Variants in WTIP observed in about 807,000 individuals in gnomAD.
WTIP encodes Wilms tumor protein 1-interacting protein.
Under a neutral mutation model 41.7 loss-of-function variants are expected in WTIP, and 23 were observed. The observed-to-expected ratio is 0.55, with a 90% CI of 0.40 to 0.78. WTIP has a LOEUF of 0.78. WTIP is among the 30% of genes least tolerant of loss of function. The pLI is 0.00. For missense variants in WTIP, 619 were observed against 610.5 expected (o/e 1.01, Z -0.15); for synonymous variants, 314 against 269.9 (o/e 1.16, Z -1.60).
chr19:34,510,262 C>A lies in WTIP; in HGVS notation c.*9993C>A, dbSNP rs1599977005. The stretch of plus-strand genomic sequence containing the variant: ...GGCATTTTCATACATCTTCTGAAAT[C>A]TAGATGGAGGTTCCCAAACCTCAAT... On this transcript the variant is annotated 3_prime_UTR_variant, in exon 8 of 8. Transcript: ENST00000590071. 1.3e-5 allele frequency: 2 copies of A among 152,348 alleles called. No individual in the cohort carries two copies. Among genetic ancestry groups the A allele is most frequent in the Non-Finnish European group, 2.9e-5 (2 of 68,036 alleles). 9.4% of individuals were successfully genotyped at this position (152,348 alleles called of 1,614,324 possible).
At chr19:34,498,789 A>G (rs1488837807) in intron 7 of WTIP, among the ~76,000 whole-genome samples, 1 of 151,860 alleles carries the variant, frequency 6.6e-6, no homozygotes, top group Non-Finnish European at 1.5e-5. Context: ...AGTCCCAGCT[A>G]CTCGGGAGGC....
rs377447205 is a variant in WTIP, at chr19:34,493,043, G to A, written c.776G>A (p.Arg259Gln). 7.4e-6 allele frequency: 12 copies of A among 1,613,758 alleles called. No homozygotes were observed. The highest frequency in any genetic ancestry group is 1.7e-5 in the Admixed American group (1 of 59,988). The change falls in exon 3 of 8, where the codon CGA becomes CAA. Residue 259 changes from arginine to glutamine, a missense_variant. Physicochemically the swap from Arg to Gln is conservative, Grantham distance 43. This residue lies in a region of WTIP where 164 missense variants were observed against 219.1 expected (regional missense o/e 0.75). Transcript: ENST00000590071. The surrounding 1 kb of genome is among the most constrained non-coding windows in gnomAD (Gnocchi z 4.1). ...DCFTCDSCGRRLRGKAFYNVG... is the reference protein window; with the variant it reads ...DCFTCDSCGRQLRGKAFYNVG... The stretch of plus-strand genomic sequence containing the variant: ...TCAACCCTCACCCTTGCAGGGAGAC[G>A]ACTCCGTGGGAAGGCGTTCTACAAC...
chr19:34,498,764 G>A (rs1046825396), intron 7 of WTIP: 3 of 152,286 alleles, frequency 2.0e-5, no homozygotes, highest in Non-Finnish European at 4.4e-5. Flanking sequence ...GCTGGGCGTG[G>A]TGGCGGGCGC....
At chr19:34,499,728 T>G (rs887255989) in intron 7 of WTIP, among the ~76,000 whole-genome samples, 2 of 151,492 alleles carry the variant, frequency 1.3e-5, no homozygotes, top group Non-Finnish European at 2.9e-5. Context: ...AGATGGAGTT[T>G]CGCTGTTGTC....
In WTIP at chr19:34,507,858, C is replaced by T. The variant is rs1286844362; in HGVS notation, c.*7589C>T. The T allele has an allele frequency of 6.6e-6, 1 of 152,242 alleles. No homozygotes were observed. Among genetic ancestry groups the T allele is most frequent in the Non-Finnish European group, 1.5e-5 (1 of 68,062 alleles). The allele number at this position is 152,242 out of a possible 1,614,324, so 9.4% of individuals were successfully genotyped here. ...CCATCCTACGGCTTCAGCCTCCAGTCCTGGTCCCACACATCTCCTGGAGCA... is the reference window on the plus strand; with the variant it reads ...CCATCCTACGGCTTCAGCCTCCAGTTCTGGTCCCACACATCTCCTGGAGCA... On this transcript the variant is annotated 3_prime_UTR_variant, in exon 8 of 8. Coordinates refer to ENST00000590071, the MANE Select transcript of WTIP (RefSeq NM_001080436.2).
intron 1 of WTIP, among the ~76,000 whole-genome samples, chr19:34,483,952 GA>G (rs1163925860): frequency 8.1e-6 from 1 of 122,794 alleles, no homozygotes; most frequent in Non-Finnish European, 1.6e-5. Context: ...TTTTGAGACG[GA>G]ATCTCGCTCT....
Position 34,512,054 on chromosome 19 carries a change from T to C in WTIP, c.*11785T>C, listed in dbSNP as rs1321493077. The C allele has an allele frequency of 6.6e-6, 1 of 152,146 alleles. No homozygotes were observed. The highest frequency in any genetic ancestry group is 1.5e-5 in the Non-Finnish European group (1 of 68,022). 9.4% of individuals were successfully genotyped at this position (152,146 alleles called of 1,614,324 possible). On this transcript the variant is annotated 3_prime_UTR_variant, in exon 8 of 8. Coordinates refer to ENST00000590071, the MANE Select transcript of WTIP (RefSeq NM_001080436.2). ...TTTTACATCTCTCAGTAAAGCTTTA[T>C]GGATTAGGGTCTTCAGAAGCCTTAC...
chr19:34,486,385 G>A (rs977612257), intron 1 of WTIP, among the ~76,000 whole-genome samples: 5 of 96,744 alleles, frequency 5.2e-5, no homozygotes, highest in African/African-American at 1.9e-4. Context: ...TTTTTTTTTT[G>A]AGACAGAGTT....
chr19:34,482,779 G>C lies in WTIP; in HGVS notation c.667+138G>C, dbSNP rs952567859. The C allele has an allele frequency of 1.7e-5, 20 of 1,201,210 alleles. No individual in the cohort carries two copies. In the African/African-American group the frequency reaches 3.0e-4, roughly 18 times the overall value. The allele number at this position is 1,201,210 out of a possible 1,614,324, so 74.4% of individuals were successfully genotyped here. A position where few individuals can be genotyped will look rare whatever the true frequency, so the allele number is the denominator to read the frequency against. On this transcript the variant is annotated intron_variant, in intron 1 of 7. Coordinates refer to ENST00000590071, the MANE Select transcript of WTIP (RefSeq NM_001080436.2). ...GTGCAGCAGTGCACGGGGTTGGGAC[G>C]AGGAAGGTGCATCCCCTGGGGACTG...
rs996131311 is a variant in WTIP at position 34,504,855 on chromosome 19, G to A, written c.*4586G>A. On this transcript the variant is annotated 3_prime_UTR_variant, in exon 8 of 8. Transcript: ENST00000590071. ...GGTCTGGCAGCCCTCATCTGGCCAG[G>A]AGGCCAGCAAGGACTTCCGGTGCCA... 1 of 152,346 alleles carries A rather than the reference G, an allele frequency of 6.6e-6. No individual in the cohort carries two copies. The highest frequency in any genetic ancestry group is 2.4e-5 in the African/African-American group (1 of 41,450). The allele number at this position is 152,346 out of a possible 1,614,324, so 9.4% of individuals were successfully genotyped here.
At position 34,505,446 on chromosome 19, in the gene WTIP, C is replaced by A. The variant is rs2075907212; in HGVS notation, c.*5177C>A. The A allele has an allele frequency of 6.6e-6, 1 of 152,254 alleles. No homozygotes were observed. The highest frequency in any genetic ancestry group is 2.4e-5 in the African/African-American group (1 of 41,424). 9.4% of individuals were successfully genotyped at this position (152,254 alleles called of 1,614,324 possible). On this transcript the variant is annotated 3_prime_UTR_variant, in exon 8 of 8. Coordinates refer to ENST00000590071, the MANE Select transcript of WTIP (RefSeq NM_001080436.2). The stretch of plus-strand genomic sequence containing the variant: ...CAAGGATTCCCCAGGGATGCCAGCC[C>A]CCCTGTGGGCCCTCAGGACTGGTAG...
In WTIP at chr19:34,482,307, C is replaced by A; in HGVS notation, c.333C>A (p.Ser111Arg). 7.3e-7 allele frequency: 1 copy of A among 1,375,982 alleles called. No individual in the cohort carries two copies. Among genetic ancestry groups the A allele is most frequent in the Non-Finnish European group, 9.5e-7 (1 of 1,057,614 alleles). 85.2% of individuals were successfully genotyped at this position (1,375,982 alleles called of 1,614,324 possible). A position where few individuals can be genotyped will look rare whatever the true frequency, so the allele number is the denominator to read the frequency against. Reference protein sequence around the residue: ...GGGSARSSGISLGYDQRHGSP... With the variant: ...GGGSARSSGIRLGYDQRHGSP... ...GCAGCGCCCGATCCAGCGGCATCAG[C>A]CTGGGCTACGACCAGCGCCACGGCA... Residue 111 changes from serine (S) to arginine (R), a missense_variant, in exon 1 of 8, where the codon AGC becomes AGA. Ser to Arg is a moderately radical substitution (Grantham distance 110). Around this residue, in one of 3 missense-constraint regions of WTIP, gnomAD observed 363 missense variants for 309.0 expected, o/e 1.17. Transcript: ENST00000590071.
rs8101048 is a variant in WTIP at position 34,505,347 on chromosome 19, C to T, written c.*5078C>T. ...CCTCTCCTTCCACCCACTTCCCTGGCCCTGAGGGCATTGCTGGGCCACCAT... is the reference window on the plus strand; with the variant it reads ...CCTCTCCTTCCACCCACTTCCCTGGTCCTGAGGGCATTGCTGGGCCACCAT... On this transcript the variant is annotated 3_prime_UTR_variant, in exon 8 of 8. Coordinates refer to ENST00000590071, the MANE Select transcript of WTIP (RefSeq NM_001080436.2). The T allele has an allele frequency of 0.43, 65,957 of 152,300 alleles. 15,108 individuals carry two copies. Among genetic ancestry groups the T allele is most frequent in the African/African-American group, 0.58 (24,179 of 41,470 alleles). The allele number at this position is 152,300 out of a possible 1,614,324, so 9.4% of individuals were successfully genotyped here. A position where few individuals can be genotyped will look rare whatever the true frequency, so the allele number is the denominator to read the frequency against.
In WTIP at chr19:34,501,045, T is replaced by C. The variant is rs1170075081; in HGVS notation, c.*776T>C. ...GATGAGAGGGGCGCCCTGGCCACGCTTCAGGAAAGCCTGTGTCTGCGCGCG... is the reference window on the plus strand; with the variant it reads ...GATGAGAGGGGCGCCCTGGCCACGCCTCAGGAAAGCCTGTGTCTGCGCGCG... On this transcript the variant is annotated 3_prime_UTR_variant, in exon 8 of 8. Coordinates refer to ENST00000590071, the MANE Select transcript of WTIP (RefSeq NM_001080436.2). 1.3e-5 allele frequency: 2 copies of C among 152,680 alleles called. No homozygotes were observed. The highest frequency in any genetic ancestry group is 4.8e-5 in the African/African-American group (2 of 41,470). 9.5% of individuals were successfully genotyped at this position (152,680 alleles called of 1,614,324 possible). A position where few individuals can be genotyped will look rare whatever the true frequency, so the allele number is the denominator to read the frequency against.
rs1245598091 is a variant in WTIP at position 34,502,176 on chromosome 19, A to G, written c.*1907A>G. Reference sequence around the variant, plus strand: ...ACCATGTTGGTCAGGCTGGTCTCCAACTGCTGACCTCAGGGGCGATCCACC... The same window carrying G: ...ACCATGTTGGTCAGGCTGGTCTCCAGCTGCTGACCTCAGGGGCGATCCACC... On this transcript the variant is annotated 3_prime_UTR_variant, in exon 8 of 8. Transcript: ENST00000590071. 6.6e-6 allele frequency: 1 copy of G among 151,256 alleles called. No individual in the cohort carries two copies. The highest frequency in any genetic ancestry group is 1.5e-5 in the Non-Finnish European group (1 of 68,132). 9.4% of individuals were successfully genotyped at this position (151,256 alleles called of 1,614,324 possible). A position where few individuals can be genotyped will look rare whatever the true frequency, so the allele number is the denominator to read the frequency against.
At position 34,503,927 on chromosome 19, in the gene WTIP, G is replaced by C. The variant is rs1382983559; in HGVS notation, c.*3658G>C. Reference sequence around the variant, plus strand: ...GCGTGAGTGCTCCCTGCAATCCCCAGACAAGCCTGCCTCTCAGCGGGGCTC... The same window carrying C: ...GCGTGAGTGCTCCCTGCAATCCCCACACAAGCCTGCCTCTCAGCGGGGCTC... On this transcript the variant is annotated 3_prime_UTR_variant, in exon 8 of 8. Transcript: ENST00000590071. The C allele has an allele frequency of 2.0e-5, 3 of 152,586 alleles. No homozygotes were observed. Among genetic ancestry groups the C allele is most frequent in the African/African-American group, 7.2e-5 (3 of 41,436 alleles). The allele number at this position is 152,586 out of a possible 1,614,324, so 9.5% of individuals were successfully genotyped here.
chr19:34,490,046 C>T (rs950694395), intron 1 of WTIP, among the ~76,000 whole-genome samples: 2 of 152,200 alleles, frequency 1.3e-5, no homozygotes, highest in African/African-American at 4.8e-5. Flanking sequence ...TGAAACCAGC[C>T]TGGGCAACAT....
At chr19:34,482,792 C>T in intron 1 of WTIP, 151 bp downstream of exon 1, 1 of 984,800 alleles carries the variant, frequency 1.0e-6, no homozygotes, top group Non-Finnish European at 1.2e-6. Context: ...GAAGGTGCAT[C>T]CCCTGGGGAC....
Position 34,493,705 on chromosome 19 carries a change from G to A in WTIP, c.1031+83G>A. 1.9e-6 allele frequency: 3 copies of A among 1,580,930 alleles called. No homozygotes were observed. Among genetic ancestry groups the A allele is most frequent in the Non-Finnish European group, 2.6e-6 (3 of 1,160,388 alleles). On this transcript the variant is annotated intron_variant, in intron 5 of 7. Transcript: ENST00000590071. The surrounding 1 kb of genome is among the most constrained non-coding windows in gnomAD (Gnocchi z 4.1). ...GGAAGCATTTTTTTCCTGCTGGACT[G>A]ACTGCCCTTTGTTCTTGGCCTTTTG... is the stretch of plus-strand genomic sequence containing the variant.
Sources: allele counts gnomAD v4.1 joint callset (sites outside exome capture counted in the v4.1 genomes callset), GRCh38; gene constraint gnomAD v4.1.1; regional missense constraint gnomAD v4.1.1; non-coding constraint Gnocchi (gnomAD v3.1); transcripts MANE v1.5; gene names NCBI Gene and HGNC (gene_info 2026-07-23, HGNC 2026-07-21).